Variants in HSPA4 observed in about 807,000 individuals in gnomAD.
HSPA4 encodes the protein heat shock 70 kDa protein 4.
A neutral mutation model predicts 106.2 loss-of-function variants in HSPA4; 25 were observed. The ratio of observed to expected loss-of-function variants is 0.24; its 90% confidence interval spans 0.17 to 0.33. The LOEUF is 0.33. Among genes scored for constraint, HSPA4 ranks in the 10% least tolerant of loss-of-function variants. The pLI, the probability that HSPA4 is intolerant of heterozygous loss-of-function variation, is 1.00. For missense variants in HSPA4, 841 were observed against 996.0 expected, an observed-to-expected ratio of 0.84 and a Z score of 2.10; for synonymous variants, 332 against 333.6, an observed-to-expected ratio of 1.00 and a Z score of 0.05.
chr5:133,065,230 A>G (rs1346366364), intron 2 of HSPA4, among the ~76,000 whole-genome samples, 193 bp downstream of exon 2: 1 of 152,192 alleles, frequency 6.6e-6, no homozygotes, highest in Non-Finnish European at 1.5e-5. Flanking sequence ...GTAGATTCAA[A>G]CAACTGTGGA....
At chr5:133,101,508 T>G in intron 16 of HSPA4, 1 of 357,386 alleles carries the variant, frequency 2.8e-6, no homozygotes, top group Non-Finnish European at 5.0e-6. Context: ...AGGCACCTAA[T>G]TTTTGGTGGT....
intron 2 of HSPA4, among the ~76,000 whole-genome samples, chr5:133,066,220 T>G (rs1428006793): frequency 6.6e-6 from 1 of 152,210 alleles, no homozygotes; most frequent in Admixed American, 6.5e-5. Context: ...AGTTTCTGTT[T>G]GGCAGCTTGC....
chr5:133,094,533 T>G (rs1765687271), intron 13 of HSPA4, among the ~76,000 whole-genome samples: 1 of 152,084 alleles, frequency 6.6e-6, no homozygotes, highest in South Asian at 2.1e-4. Flanking sequence ...GGAAGACCCT[T>G]TATGTTGTTG....
At chr5:133,088,611 A>G (rs1765608160) in intron 9 of HSPA4, 56 bp downstream of exon 9, 2 of 1,469,256 alleles carry the variant, frequency 1.4e-6, no homozygotes, top group Non-Finnish European at 1.9e-6. Flanking sequence ...ACAAGATGGC[A>G]GTGGTTTATG....
chr5:133,089,276 G>A, intron 10 of HSPA4, 115 bp downstream of exon 10: 1 of 631,786 alleles, frequency 1.6e-6, no homozygotes, highest in South Asian at 2.7e-5. Context: ...CATAGTGCAT[G>A]AAGGAAGTGG....
chr5:133,087,567 C>G (rs1270916135), intron 8 of HSPA4, among the ~76,000 whole-genome samples: 1 of 152,186 alleles, frequency 6.6e-6, no homozygotes, highest in East Asian at 1.9e-4. Context: ...ATAGCAGATC[C>G]TTTGATACAC....
At chr5:133,067,837 CTT>C (rs1292679747) in intron 3 of HSPA4, among the ~76,000 whole-genome samples, 1 of 149,302 alleles carries the variant, frequency 6.7e-6, no homozygotes, top group Non-Finnish European at 1.5e-5. Context: ...ATGCAGTGGG[CTT>C]TTTAGCATGA....
Position 133,070,835 on chromosome 5 carries a change from G to T in HSPA4, c.429+339G>T, listed in dbSNP as rs955715255. 5.3e-5 allele frequency among the ~76,000 whole-genome samples: 8 copies of T among 152,304 alleles called. No homozygotes were observed. The East Asian group carries it at 1.5e-3, about 29-fold the overall frequency. ...GAGAATCACTTCAACCCGGGAGGCT[G>T]AGGTTGCGGTGAGCCGAGATCATGC... On this transcript the variant is annotated intron_variant, in intron 4 of 18. Coordinates refer to ENST00000304858, the MANE Select transcript of HSPA4 (RefSeq NM_002154.4).
At chr5:133,090,189 C>G (rs1765628739) in intron 11 of HSPA4, among the ~76,000 whole-genome samples, 1 of 151,672 alleles carries the variant, frequency 6.6e-6, no homozygotes, top group Non-Finnish European at 1.5e-5. Context: ...AATCCCAGCA[C>G]TTTGGGAGGC....
chr5:133,103,698 A>G (rs553403343), intron 17 of HSPA4, among the ~76,000 whole-genome samples, 167 bp from the exon 18 acceptor site: 18 of 152,168 alleles, frequency 1.2e-4, no homozygotes, highest in Non-Finnish European at 2.5e-4. Flanking sequence ...GTATTCAAAA[A>G]TTGTGGTTAG....
chr5:133,067,774 G>A (rs1217164965), intron 3 of HSPA4, among the ~76,000 whole-genome samples: 1 of 152,028 alleles, frequency 6.6e-6, no homozygotes, highest in African/African-American at 2.4e-5. Context: ...TTGGAGACCT[G>A]GGTAGTGATG....
intron 7 of HSPA4, among the ~76,000 whole-genome samples, chr5:133,078,834 A>G (rs936563396): frequency 8.6e-5 from 13 of 151,932 alleles, no homozygotes; most frequent in African/African-American, 2.4e-4. Context: ...CCTGGGCTCA[A>G]GTGATCCTCC....
At position 133,105,488 on chromosome 5, in the gene HSPA4, G is replaced by A. The variant is rs1489867503; in HGVS notation, c.*1052G>A. ...TCTGAAATTAGTGTTAAAGAAGTGT[G>A]GTGCCTGATGTTATAACAACACCTC... On this transcript the variant is annotated 3_prime_UTR_variant, in exon 19 of 19. Coordinates refer to ENST00000304858, the MANE Select transcript of HSPA4 (RefSeq NM_002154.4). 6.6e-6 allele frequency: 1 copy of A among 152,186 alleles called. No individual in the cohort carries two copies. Among genetic ancestry groups the A allele is most frequent in the African/African-American group, 2.4e-5 (1 of 41,444 alleles). 9.4% of individuals were successfully genotyped at this position (152,186 alleles called of 1,614,324 possible).
At chr5:133,085,243 T>C (rs1172488674) in intron 7 of HSPA4, among the ~76,000 whole-genome samples, 1 of 151,902 alleles carries the variant, frequency 6.6e-6, no homozygotes, top group East Asian at 1.9e-4. Context: ...GAGTGAGTAA[T>C]CAGGCTGTGA....
At chr5:133,083,270 C>T (rs1188751666) in intron 7 of HSPA4, among the ~76,000 whole-genome samples, 1 of 152,048 alleles carries the variant, frequency 6.6e-6, no homozygotes, top group Non-Finnish European at 1.5e-5. Flanking sequence ...TGAGATCGTG[C>T]CACTGCACTC....
Position 133,070,386 on chromosome 5 carries a change from G to C in HSPA4, c.319G>C (p.Glu107Gln). Residue 107 changes from glutamate to glutamine, a missense_variant, in exon 4 of 19, where the codon GAG (glutamate) becomes CAG (glutamine). Glu to Gln is a conservative substitution (Grantham distance 29). Around this residue, in one of 5 missense-constraint regions of HSPA4, gnomAD observed 347 missense variants for 408.7 expected, o/e 0.85. Transcript: ENST00000304858. ...TGTTTTCTTGCAGGTGACATATATG[G>C]AGGAAGAGCGAAATTTTACCACTGA... Reference protein sequence around the residue: ...GLTGIKVTYMEEERNFTTEQV... With the variant: ...GLTGIKVTYMQEERNFTTEQV... The C allele has an allele frequency of 6.2e-7, 1 of 1,610,812 alleles. No homozygotes were observed. Among genetic ancestry groups the C allele is most frequent in the African/African-American group, 1.3e-5 (1 of 74,702 alleles).
In HSPA4 at chr5:133,077,059, A is replaced by G. The variant is rs558951036; in HGVS notation, c.908+161A>G. ...ATTCAGGACCCTGCTTTTTATGTAA[A>G]GTTGGGTCTGGTTAATAATGTAGAC... On this transcript the variant is annotated intron_variant, in intron 7 of 18. Coordinates refer to ENST00000304858, the MANE Select transcript of HSPA4 (RefSeq NM_002154.4). Among the ~76,000 whole-genome samples the G allele has an allele frequency of 2.0e-5, 3 of 152,296 alleles. No homozygotes were observed. The South Asian group carries it at 6.2e-4, about 32-fold the overall frequency.
At chr5:133,071,447 C>T (rs974309736) in intron 4 of HSPA4, among the ~76,000 whole-genome samples, 4 of 147,434 alleles carry the variant, frequency 2.7e-5, no homozygotes, top group Non-Finnish European at 6.1e-5. Context: ...GACCCTGTCT[C>T]AAAAAACTTA....
chr5:133,088,056 C>G (rs1194871078), intron 8 of HSPA4, among the ~76,000 whole-genome samples: 2 of 151,974 alleles, frequency 1.3e-5, no homozygotes, highest in African/African-American at 2.4e-5. Flanking sequence ...TCTTATTTTC[C>G]TGATGGCTAG....
Sources: allele counts gnomAD v4.1 joint callset (sites outside exome capture counted in the v4.1 genomes callset), GRCh38; gene constraint gnomAD v4.1.1; regional missense constraint gnomAD v4.1.1; transcripts MANE v1.5; gene names NCBI Gene and HGNC (gene_info 2026-07-23, HGNC 2026-07-21).